The following CABCOCO1 variants were observed in gnomAD, a reference collection of about 807,000 sequenced individuals.
CABCOCO1 encodes the protein ciliary-associated calcium-binding coiled-coil protein 1.
Under a neutral mutation model 35.7 loss-of-function variants are expected in CABCOCO1, and 28 were observed. The ratio of observed to expected loss-of-function variants is 0.78; its 90% CI spans 0.58 to 1.07. CABCOCO1 has a LOEUF of 1.07. CABCOCO1 is among the 50% of genes least tolerant of loss of function. The pLI is 0.00. For synonymous variants in CABCOCO1, 95 were observed against 100.1 expected (o/e 0.95, Z 0.30); for missense variants, 326 against 309.2 (o/e 1.05, Z -0.41).
chr10:61,680,714 TAAC>T (rs1298472888), intron 2 of CABCOCO1, among the ~76,000 whole-genome samples: 1,142 of 97,786 alleles, frequency 0.012, 25 homozygotes, highest in Non-Finnish European at 0.016. Context: ...TATACATGTA[TAAC>T]ATATATATTA....
chr10:61,674,918 A>G (rs1486049406), intron 2 of CABCOCO1, among the ~76,000 whole-genome samples: 1 of 152,178 alleles, frequency 6.6e-6, no homozygotes, highest in African/African-American at 2.4e-5. Flanking sequence ...AAATGAAAGT[A>G]ACTATATAAA....
At chr10:61,697,282 A>T (rs1255911266) in intron 5 of CABCOCO1, among the ~76,000 whole-genome samples, 2 of 152,122 alleles carry the variant, frequency 1.3e-5, no homozygotes, top group African/African-American at 2.4e-5. Context: ...TAAAGGAAGT[A>T]CTCAATAAAT....
At chr10:61,679,496 A>G (rs769958584) in intron 2 of CABCOCO1, among the ~76,000 whole-genome samples, 1 of 152,180 alleles carries the variant, frequency 6.6e-6, no homozygotes, top group Non-Finnish European at 1.5e-5. Context: ...AAGAGAGTCT[A>G]TTCATTCTTT....
chr10:61,685,415 GAA>G (rs1214982981), intron 3 of CABCOCO1: 1 of 151,548 alleles, frequency 6.6e-6, no homozygotes, highest in Non-Finnish European at 1.5e-5. Flanking sequence ...TGAGACTGTA[GAA>G]AAAAGAAAAA....
intron 4 of CABCOCO1, among the ~76,000 whole-genome samples, chr10:61,687,659 C>T (rs1379610016): frequency 6.6e-6 from 1 of 152,046 alleles, no homozygotes; most frequent in Non-Finnish European, 1.5e-5. Context: ...TTGACATTGT[C>T]CTTCAGAAAA....
At chr10:61,697,058 G>A (rs1472791912) in intron 5 of CABCOCO1, among the ~76,000 whole-genome samples, 3 of 151,986 alleles carry the variant, frequency 2.0e-5, no homozygotes, top group African/African-American at 4.8e-5. Context: ...GTATTTAGTT[G>A]GTGCAAGGTT....
At chr10:61,737,306 G>C (rs1413474581) in intron 5 of CABCOCO1, among the ~76,000 whole-genome samples, 1 of 152,152 alleles carries the variant, frequency 6.6e-6, no homozygotes. Flanking sequence ...AATAACAGAT[G>C]CTGGTGAGGT....
At chr10:61,710,376 C>T (rs1183272038) in intron 5 of CABCOCO1, among the ~76,000 whole-genome samples, 4 of 151,530 alleles carry the variant, frequency 2.6e-5, no homozygotes, top group Non-Finnish European at 5.9e-5. Context: ...ACTGGAGAAA[C>T]CCTAAGTTTC....
At chr10:61,684,247 G>A (rs1229076355) in intron 3 of CABCOCO1, among the ~76,000 whole-genome samples, 3 of 152,178 alleles carry the variant, frequency 2.0e-5, no homozygotes, top group African/African-American at 7.2e-5. Flanking sequence ...CGAACCAATT[G>A]TAATTCATTA....
chr10:61,691,465 G>C (rs1425280152), intron 5 of CABCOCO1, among the ~76,000 whole-genome samples: 1 of 151,908 alleles, frequency 6.6e-6, no homozygotes, highest in Non-Finnish European at 1.5e-5. Context: ...ATTCTGAGTA[G>C]GAAAACATGT....
Position 61,741,543 on chromosome 10 carries a change from G to A in CABCOCO1, c.553-18516G>A, listed in dbSNP as rs191484589. ...ACTTGCTAAATGTTTTCTGAAATTG[G>A]ACATTAATGCTAAAATCTATATGAT... is the stretch of plus-strand genomic sequence containing the variant. On this transcript the variant is annotated intron_variant, in intron 5 of 7. Coordinates refer to ENST00000648843, the MANE Select transcript of CABCOCO1 (RefSeq NM_001366906.2). Among the ~76,000 whole-genome samples, 175 of 150,944 alleles carry A rather than the reference G, an allele frequency of 1.2e-3. 2 individuals are homozygous for A. The highest frequency in any genetic ancestry group is 2.1e-3 in the Non-Finnish European group (141 of 67,584).
chr10:61,754,578 A>G (rs886073130), intron 5 of CABCOCO1, among the ~76,000 whole-genome samples: 4 of 152,152 alleles, frequency 2.6e-5, no homozygotes, highest in African/African-American at 9.7e-5. Flanking sequence ...TTAATCATCT[A>G]ACTTTTTAAA....
intron 5 of CABCOCO1, among the ~76,000 whole-genome samples, chr10:61,758,320 C>T (rs1841940398): frequency 6.6e-6 from 1 of 151,904 alleles, no homozygotes; most frequent in Non-Finnish European, 1.5e-5. Flanking sequence ...GTCTCCTTTT[C>T]CTAGCTTGGT....
intron 5 of CABCOCO1, among the ~76,000 whole-genome samples, chr10:61,698,640 C>G (rs1840357062): frequency 6.6e-6 from 1 of 152,030 alleles, no homozygotes; most frequent in African/African-American, 2.4e-5. Flanking sequence ...AGCACTTATT[C>G]CTATAGCAAA....
intron 1 of CABCOCO1, among the ~76,000 whole-genome samples, chr10:61,671,652 A>C (rs1285121786): frequency 6.6e-6 from 1 of 152,018 alleles, no homozygotes; most frequent in East Asian, 1.9e-4. Flanking sequence ...CTTTCTTTTC[A>C]TCCACACTGC....
rs1840229829 is a variant in CABCOCO1, at chr10:61,694,082, C to G, written c.552+3461C>G. Among the ~76,000 whole-genome samples, 3 of 151,824 alleles carry G rather than the reference C, an allele frequency of 2.0e-5. No individual in the cohort carries two copies. In the South Asian group the frequency reaches 6.3e-4, roughly 32 times the overall value. Reference sequence around the variant, plus strand: ...TGGAACTTGTTAGTGTATTACTTTACATGGTAAAAGGGACTTCGAGGATTT... The same window carrying G: ...TGGAACTTGTTAGTGTATTACTTTAGATGGTAAAAGGGACTTCGAGGATTT... On this transcript the variant is annotated intron_variant, in intron 5 of 7. Coordinates refer to ENST00000648843, the MANE Select transcript of CABCOCO1 (RefSeq NM_001366906.2).
At chr10:61,710,714 TAG>T (rs879301685) in intron 5 of CABCOCO1, among the ~76,000 whole-genome samples, 2 of 151,842 alleles carry the variant, frequency 1.3e-5, no homozygotes, top group African/African-American at 2.4e-5. Context: ...GTCACAATCC[TAG>T]AGAGAAGCAA....
At chr10:61,706,936 G>C (rs895258710) in intron 5 of CABCOCO1, among the ~76,000 whole-genome samples, 10 of 152,010 alleles carry the variant, frequency 6.6e-5, no homozygotes, top group African/African-American at 2.2e-4. Context: ...TGCCATCCCC[G>C]TTACTTTCCC....
chr10:61,742,473 A>C (rs983925141), intron 5 of CABCOCO1, among the ~76,000 whole-genome samples: 3 of 152,194 alleles, frequency 2.0e-5, no homozygotes, highest in African/African-American at 7.2e-5. Flanking sequence ...ACAAAGAAAA[A>C]AAAAGGCAAG....
Sources: gnomAD v4.1 joint callset for allele counts (sites outside exome capture counted in the v4.1 genomes callset) on GRCh38, gnomAD v4.1.1 for gene constraint, MANE v1.5 for transcripts, NCBI Gene and HGNC (gene_info 2026-07-23, HGNC 2026-07-21) for gene names.